EYS: variants seen among roughly 807,000 people sequenced by gnomAD.
EYS encodes protein eyes shut homolog.
In EYS, 250 loss-of-function variants were observed where a neutral mutation model predicts 282.1. The observed-to-expected ratio is 0.89, with a 90% CI of 0.80 to 0.98. The LOEUF (loss-of-function observed/expected upper bound fraction) is 0.98. EYS is among the 50% of genes least tolerant of loss of function. The pLI is 0.00. For synonymous variants in EYS, 1,355 were observed against 1,282.9 expected (o/e 1.06, Z -1.20); for missense variants, 4,016 against 3,709.0 (o/e 1.08, Z -2.15).
intron 14 of EYS, among the ~76,000 whole-genome samples, chr6:64,952,399 C>T (rs1448527461): frequency 6.6e-6 from 1 of 151,938 alleles, no homozygotes; most frequent in Non-Finnish European, 1.5e-5. Flanking sequence ...ATAATGCTAC[C>T]TGCCCAACGA....
intron 41 of EYS, among the ~76,000 whole-genome samples, chr6:63,734,924 G>C (rs1269513309): frequency 6.6e-6 from 1 of 152,100 alleles, no homozygotes; most frequent in Non-Finnish European, 1.5e-5. Flanking sequence ...CATGGACATA[G>C]ACATAGCATT....
intron 21 of EYS, among the ~76,000 whole-genome samples, chr6:64,816,885 T>A (rs1392134838): frequency 1.3e-5 from 2 of 151,812 alleles, no homozygotes; most frequent in Non-Finnish European, 2.9e-5. Flanking sequence ...CAAAAAAGGA[T>A]ACTAATTAAA....
intron 29 of EYS, among the ~76,000 whole-genome samples, chr6:64,363,638 C>T (rs952308648): frequency 4.0e-5 from 6 of 151,808 alleles, no homozygotes; most frequent in African/African-American, 1.2e-4. Flanking sequence ...CTGAACATGT[C>T]GTCAATACAC....
In EYS at chr6:63,775,937, C is replaced by T. The variant is rs554631776; in HGVS notation, c.7898+2069G>A. Among the ~76,000 whole-genome samples the T allele has an allele frequency of 2.0e-5, 3 of 152,072 alleles. No homozygotes were observed. In the South Asian group the frequency reaches 6.2e-4, roughly 31 times the overall value. On this transcript the variant is annotated intron_variant, in intron 40 of 42. Transcript: ENST00000503581. ...ATGGTCACAAGAGCTACTTCTGGCTCTGTAGTATATCTTCATAGTTAGTAA... is the reference window on the plus strand; with the variant it reads ...ATGGTCACAAGAGCTACTTCTGGCTTTGTAGTATATCTTCATAGTTAGTAA...
rs187435455 is a variant in EYS, at chr6:65,672,896, T to A, written c.-447-33004A>T. Among the ~76,000 whole-genome samples, 378 of 152,118 alleles carry A rather than the reference T, an allele frequency of 2.5e-3. 3 individuals carry two copies. The highest frequency in any genetic ancestry group is 8.6e-3 in the African/African-American group (356 of 41,540). ...GAAGGGAGATGGGGTGTGGCCATTT[T>A]ATAGGATTTGGGTGGGTAGTGGAAA... On this transcript the variant is annotated intron_variant, in intron 1 of 42. Coordinates refer to ENST00000503581, the MANE Select transcript of EYS (RefSeq NM_001142800.2).
chr6:64,329,879 T>G (rs905558619), intron 29 of EYS, among the ~76,000 whole-genome samples: 1 of 152,150 alleles, frequency 6.6e-6, no homozygotes, highest in Admixed American at 6.5e-5. Flanking sequence ...CTGCTGATGG[T>G]GCTTGGTTTA....
At chr6:65,094,405 C>G (rs980827397) in intron 12 of EYS, among the ~76,000 whole-genome samples, 1 of 145,606 alleles carries the variant, frequency 6.9e-6, no homozygotes. Context: ...AGATTCCATA[C>G]AATAGCAGCA....
At chr6:65,025,132 T>C (rs1160492476) in intron 13 of EYS, among the ~76,000 whole-genome samples, 5 of 152,206 alleles carry the variant, frequency 3.3e-5, no homozygotes, top group Admixed American at 3.3e-4. Flanking sequence ...CTTTACAGAG[T>C]ATATTTGTAC....
intron 2 of EYS, among the ~76,000 whole-genome samples, chr6:65,529,447 G>A (rs998635343): frequency 6.6e-6 from 1 of 152,112 alleles, no homozygotes; most frequent in Non-Finnish European, 1.5e-5. Context: ...AGAAGTACAG[G>A]AGAACTAAAA....
intron 12 of EYS, among the ~76,000 whole-genome samples, chr6:65,204,918 C>A (rs1459411810): frequency 1.5e-5 from 2 of 131,642 alleles, no homozygotes; most frequent in Admixed American, 7.7e-5. Context: ...TTTATATATT[C>A]TTTATATATT....
In EYS at chr6:64,392,979, A is replaced by G. The variant is rs535491189; in HGVS notation, c.5928-4139T>C. Among the ~76,000 whole-genome samples, 5 of 152,326 alleles carry G rather than the reference A, an allele frequency of 3.3e-5. No homozygotes were observed. In the East Asian group the frequency reaches 7.7e-4, roughly 24 times the overall value. Reference sequence around the variant, plus strand: ...CAATCCCACAGAAATACAAACCACCATCAGAGAATACTACAAACACCTCTA... The same window carrying G: ...CAATCCCACAGAAATACAAACCACCGTCAGAGAATACTACAAACACCTCTA... On this transcript the variant is annotated intron_variant, in intron 28 of 42. Coordinates refer to ENST00000503581, the MANE Select transcript of EYS (RefSeq NM_001142800.2).
At chr6:64,120,163 C>T (rs545600119) in intron 31 of EYS, among the ~76,000 whole-genome samples, 6 of 150,120 alleles carry the variant, frequency 4.0e-5, no homozygotes, top group East Asian at 3.9e-4. Flanking sequence ...CTGGCTAGCA[C>T]GGTGAAACCC....
chr6:64,851,215 T>G, intron 19 of EYS, among the ~76,000 whole-genome samples: 1 of 152,070 alleles, frequency 6.6e-6, no homozygotes, highest in Non-Finnish European at 1.5e-5. Context: ...TTCAGAGTTC[T>G]GAACATCAAG....
At chr6:63,954,812 A>G (rs1765744726) in intron 35 of EYS, among the ~76,000 whole-genome samples, 1 of 152,100 alleles carries the variant, frequency 6.6e-6, no homozygotes, top group African/African-American at 2.4e-5. Context: ...GGCCTATTCT[A>G]TTCTGTTGTC....
At chr6:65,175,483 A>C (rs111461726) in intron 12 of EYS, among the ~76,000 whole-genome samples, 8 of 151,486 alleles carry the variant, frequency 5.3e-5, no homozygotes, top group Non-Finnish European at 1.2e-4. Context: ...AGATAAGGAA[A>C]CCTTACTGGA....
chr6:64,642,918 C>A (rs990862090), intron 22 of EYS, among the ~76,000 whole-genome samples: 20 of 152,140 alleles, frequency 1.3e-4, no homozygotes, highest in Non-Finnish European at 2.8e-4. Flanking sequence ...GAGTTCGAGA[C>A]CAGCATGACC....
intron 31 of EYS, among the ~76,000 whole-genome samples, chr6:64,128,450 C>T (rs957048281): frequency 6.6e-6 from 1 of 152,084 alleles, no homozygotes; most frequent in African/African-American, 2.4e-5. Context: ...GATACTATCC[C>T]TCAGATGGCC....
chr6:64,481,309 A>G (rs2150499546), intron 26 of EYS, among the ~76,000 whole-genome samples: 1 of 148,852 alleles, frequency 6.7e-6, no homozygotes, highest in South Asian at 2.1e-4. Context: ...ATTAGAGAGC[A>G]TAGAAAAAGC....
intron 34 of EYS, among the ~76,000 whole-genome samples, chr6:63,988,534 C>T (rs61271417): frequency 0.026 from 3,905 of 151,738 alleles, 138 homozygotes; most frequent in African/African-American, 0.081. Context: ...TGGCTGCACA[C>T]AGATTACCAT....
Sources: allele counts gnomAD v4.1 joint callset (sites outside exome capture counted in the v4.1 genomes callset), GRCh38; gene constraint gnomAD v4.1.1; transcripts MANE v1.5; gene names NCBI Gene and HGNC (gene_info 2026-07-23, HGNC 2026-07-21).